Variants in ITGAE observed in about 807,000 individuals in gnomAD.
The protein encoded by ITGAE is integrin subunit alpha E.
Under a neutral mutation model 136.5 loss-of-function variants are expected in ITGAE, and 99 were observed. The ratio of observed to expected loss-of-function variants is 0.73; its 90% CI spans 0.62 to 0.86. The LOEUF (loss-of-function observed/expected upper bound fraction) is 0.86, where lower values mean the gene tolerates loss of function less well. Ranked by LOEUF, ITGAE falls within the 40% of genes least tolerant of loss-of-function variation. The probability of loss-of-function intolerance (pLI) is 0.00; values close to 1 mark genes in which losing one functional copy is unlikely to be tolerated. For synonymous variants in ITGAE, 613 were observed against 591.8 expected (o/e 1.04, Z -0.52); for missense variants, 1,447 against 1,515.3 (o/e 0.95, Z 0.75).
At chr17:3,782,903 T>C (rs1345506619) in intron 1 of ITGAE, among the ~76,000 whole-genome samples, 1 of 152,172 alleles carries the variant, frequency 6.6e-6, no homozygotes, top group Non-Finnish European at 1.5e-5. Context: ...ATTTACTTAC[T>C]ATGTAACAGT....
intron 26 of ITGAE, chr17:3,724,469 G>C (rs371347880): frequency 6.2e-7 from 1 of 1,613,730 alleles, no homozygotes; most frequent in Non-Finnish European, 8.5e-7. Flanking sequence ...CCTGCCCCGG[G>C]TCCCCAACGC....
At chr17:3,745,055 C>T (rs2051678952) in intron 18 of ITGAE, among the ~76,000 whole-genome samples, 1 of 152,110 alleles carries the variant, frequency 6.6e-6, no homozygotes, top group South Asian at 2.1e-4. Flanking sequence ...ATCCAAAGTT[C>T]GAGATCCTGT....
At chr17:3,749,660 C>T (rs1597329630) in intron 16 of ITGAE, among the ~76,000 whole-genome samples, 3 of 152,128 alleles carry the variant, frequency 2.0e-5, no homozygotes, top group Admixed American at 1.3e-4. Flanking sequence ...GACAGACGGG[C>T]GCTCCATGAG....
At chr17:3,725,641 A>G (rs1173995871) in intron 26 of ITGAE, 2 of 1,605,794 alleles carry the variant, frequency 1.2e-6, no homozygotes, top group Non-Finnish European at 1.7e-6. Flanking sequence ...CAGGGATCTT[A>G]CCCTCCCTTG....
chr17:3,733,513 C>G (rs1027594601), intron 21 of ITGAE, among the ~76,000 whole-genome samples: 1 of 152,154 alleles, frequency 6.6e-6, no homozygotes, highest in Non-Finnish European at 1.5e-5. Context: ...TCTCCACCTC[C>G]GGGTTCAAGT....
At chr17:3,751,047 T>G (rs2143019386) in intron 15 of ITGAE, among the ~76,000 whole-genome samples, 2 of 151,860 alleles carry the variant, frequency 1.3e-5, no homozygotes, top group East Asian at 3.9e-4. Flanking sequence ...GTGCAGGCTG[T>G]GAGCGTGCTG....
chr17:3,728,276 T>C (rs2051261489), intron 24 of ITGAE, 108 bp from the exon 25 acceptor site: 1 of 866,536 alleles, frequency 1.2e-6, no homozygotes, highest in African/African-American at 1.7e-5. Context: ...CAATCATGGC[T>C]CAGTGTAGCC....
rs398041526 is a variant in ITGAE at position 3,756,224 on chromosome 17, C to CTTTTTTTT, written c.1172-335_1172-328dup. Among the ~76,000 whole-genome samples, 3 of 95,028 alleles carry CTTTTTTTT rather than the reference C, an allele frequency of 3.2e-5. 1 individual carries two copies. Among genetic ancestry groups the CTTTTTTTT allele is most frequent in the Admixed American group, 1.2e-4 (1 of 8,584 alleles). The allele number at this position is 95,028 out of a possible 152,430, so 62.3% of individuals were successfully genotyped here. On this transcript the variant is annotated intron_variant, in intron 10 of 30. Transcript: ENST00000263087. ...AAGGAGGCCTGGGGATATTGTTGGC[C>CTTTTTTTT]TTTTTTTTTTTTTTTTTTTTTTTTT... is the stretch of plus-strand genomic sequence containing the variant.
At chr17:3,794,291 A>T (rs189338102) in intron 1 of ITGAE, among the ~76,000 whole-genome samples, 3,612 of 151,304 alleles carry the variant, frequency 0.024, 142 homozygotes, top group African/African-American at 0.083. Context: ...ATTTTTTTTT[A>T]AATTTTTTGT....
chr17:3,781,677 G>A (rs947045315), intron 1 of ITGAE, among the ~76,000 whole-genome samples: 4 of 152,090 alleles, frequency 2.6e-5, no homozygotes, highest in Non-Finnish European at 2.9e-5. Context: ...TCTTATGTTC[G>A]AACCTTTTGT....
chr17:3,751,283 C>T (rs543037944), intron 15 of ITGAE, among the ~76,000 whole-genome samples: 1 of 146,936 alleles, frequency 6.8e-6, no homozygotes, highest in South Asian at 2.2e-4. Flanking sequence ...AGAGATAAGG[C>T]GCGGAGGTGC....
chr17:3,789,004 G>C (rs540441986), intron 1 of ITGAE, among the ~76,000 whole-genome samples: 7 of 152,076 alleles, frequency 4.6e-5, no homozygotes, highest in African/African-American at 1.7e-4. Flanking sequence ...CCAGCACTTT[G>C]GGAGGCTGAG....
intron 3 of ITGAE, among the ~76,000 whole-genome samples, chr17:3,763,460 G>A (rs927753538): frequency 1.3e-5 from 2 of 152,146 alleles, no homozygotes; most frequent in African/African-American, 2.4e-5. Context: ...CATCAGGAAG[G>A]GCTAGAGTTT....
At chr17:3,731,611 G>T (rs549676471) in intron 22 of ITGAE, among the ~76,000 whole-genome samples, 57 of 151,410 alleles carry the variant, frequency 3.8e-4, no homozygotes, top group African/African-American at 1.3e-3. Context: ...CAAAGTGCTG[G>T]GATTACAGGC....
At position 3,798,996 on chromosome 17, in the gene ITGAE, G is replaced by A. The variant is rs977391858; in HGVS notation, c.34+2115C>T. On this transcript the variant is annotated intron_variant, in intron 1 of 30. Coordinates refer to ENST00000263087, the MANE Select transcript of ITGAE (RefSeq NM_002208.5). This position sits in a 1 kb window ranked among gnomAD's most constrained non-coding sequence, Gnocchi z 4.3. ...GAAGTAGGCATCACCAGAGTGGCTG[G>A]CCTGGAGAGAGTGGAAGGTCAGGGC... Among the ~76,000 whole-genome samples, 4 of 152,148 alleles carry A rather than the reference G, an allele frequency of 2.6e-5. No homozygotes were observed. The highest frequency in any genetic ancestry group is 9.7e-5 in the African/African-American group (4 of 41,422).
rs747229537 is a variant in ITGAE, at chr17:3,739,824, A to G, written c.2503T>C (p.Leu835=). ...NKLFCVAELQ[L]ATTVSQQELV... The stretch of plus-strand genomic sequence containing the variant: ...ACTCACTGAGAGACGGTGGTGGCCA[A>G]CTGTAATTCTGCGACACAAAACAGC... Residue 835 remains leucine, a synonymous_variant, in exon 20 of 31, where the codon TTG becomes CTG. Coordinates refer to ENST00000263087, the MANE Select transcript of ITGAE (RefSeq NM_002208.5). The G allele has an allele frequency of 2.5e-6, 4 of 1,614,068 alleles. No individual in the cohort carries two copies. The highest frequency in any genetic ancestry group is 3.3e-5 in the Admixed American group (2 of 60,002).
chr17:3,734,930 G>T lies in ITGAE; in HGVS notation c.2542C>A (p.Leu848Ile). 1 of 1,614,170 alleles carries T rather than the reference G, an allele frequency of 6.2e-7. No individual in the cohort carries two copies. The highest frequency in any genetic ancestry group is 8.5e-7 in the Non-Finnish European group (1 of 1,180,024). Residue 848 changes from leucine (L) to isoleucine (I), a missense_variant, in exon 21 of 31, where the codon CTC becomes ATC. Transcript: ENST00000263087. ...ATGTTCAGGGTCAGCTCCTTTGTGA[G>T]ACCCACCACCAACTCCTGCCTGCAC... ...TVSQQELVVG[L>I]TKELTLNINL...
rs1741968180 is a variant in ITGAE at position 3,798,234 on chromosome 17, AC to A, written c.34+2876del. Among the ~76,000 whole-genome samples, 1 of 151,740 alleles carries A rather than the reference AC, an allele frequency of 6.6e-6. No homozygotes were observed. Among genetic ancestry groups the A allele is most frequent in the African/African-American group, 2.4e-5 (1 of 41,306 alleles). On this transcript the variant is annotated intron_variant, in intron 1 of 30. Coordinates refer to ENST00000263087, the MANE Select transcript of ITGAE (RefSeq NM_002208.5). This position sits in a 1 kb window ranked among gnomAD's most constrained non-coding sequence, Gnocchi z 4.3. ...CCCTTCCCTACCCCCGTGCTGTGACACCCTGCCGGGGCCGGGGAGGCTACTG... is the reference window on the plus strand; with the variant it reads ...CCCTTCCCTACCCCCGTGCTGTGACACCTGCCGGGGCCGGGGAGGCTACTG...
Position 3,732,363 on chromosome 17 carries a change from C to T in ITGAE, c.2754+5G>A. The T allele has an allele frequency of 1.2e-6, 2 of 1,610,536 alleles. No homozygotes were observed. The highest frequency in any genetic ancestry group is 1.7e-6 in the Non-Finnish European group (2 of 1,176,718). On this transcript the variant is annotated splice_donor_5th_base_variant and intron_variant, in intron 22 of 30. Coordinates refer to ENST00000263087, the MANE Select transcript of ITGAE (RefSeq NM_002208.5). ...AGAAGAGCGAATCAGTCCAAACCGA[C>T]TCACAGATGACCTCTTGAGGACGGG...
Sources: allele counts gnomAD v4.1 joint callset (sites outside exome capture counted in the v4.1 genomes callset), GRCh38; gene constraint gnomAD v4.1.1; non-coding constraint Gnocchi (gnomAD v3.1); transcripts MANE v1.5; gene names NCBI Gene and HGNC (gene_info 2026-07-23, HGNC 2026-07-21).